Variants in DCAF12 observed in about 807,000 individuals in gnomAD.
The protein encoded by DCAF12 is DDB1 and CUL4 associated factor 12.
Under a neutral mutation model 52.8 loss-of-function variants are expected in DCAF12, and 28 were observed. That is an observed-to-expected ratio of 0.53 (90% CI 0.39 to 0.73). The LOEUF (loss-of-function observed/expected upper bound fraction) is 0.73. Ranked by LOEUF, DCAF12 falls within the 30% of genes least tolerant of loss-of-function variation. DCAF12 has a pLI of 0.00. For missense variants in DCAF12, 425 were observed against 552.2 expected (o/e 0.77, Z 2.31); for synonymous variants, 196 against 215.5 (o/e 0.91, Z 0.79).
intron 4 of DCAF12, among the ~76,000 whole-genome samples, chr9:34,101,083 T>TA (rs1172249378): frequency 6.7e-6 from 1 of 150,002 alleles, no homozygotes; most frequent in Non-Finnish European, 1.5e-5. Context: ...TTTTTTTTTT[T>TA]TTAAATGAGA....
intron 1 of DCAF12, chr9:34,125,529 G>C: frequency 1.7e-6 from 1 of 604,256 alleles, no homozygotes; most frequent in Non-Finnish European, 3.2e-6. Flanking sequence ...ATGCAGAATA[G>C]AACAGACTAA....
At position 34,088,270 on chromosome 9, in the gene DCAF12, A is replaced by G. The variant is rs966559706; in HGVS notation, c.*80T>C. 3 of 1,474,956 alleles carry G rather than the reference A, an allele frequency of 2.0e-6. No individual in the cohort carries two copies. The highest frequency in any genetic ancestry group is 5.0e-5 in the Admixed American group (2 of 40,098). 91.4% of individuals were successfully genotyped at this position (1,474,956 alleles called of 1,614,324 possible). A position where few individuals can be genotyped will look rare whatever the true frequency, so the allele number is the denominator to read the frequency against. On this transcript the variant is annotated 3_prime_UTR_variant, in exon 9 of 9. Transcript: ENST00000361264. Reference sequence around the variant, plus strand: ...CACTAAAACACAAGAGCCTCACACAATTAGGAAAAAAAAAATCAAAAGAAA... The same window carrying G: ...CACTAAAACACAAGAGCCTCACACAGTTAGGAAAAAAAAAATCAAAAGAAA...
intron 1 of DCAF12, chr9:34,125,563 G>A: frequency 1.9e-6 from 1 of 531,096 alleles, no homozygotes; most frequent in Non-Finnish European, 3.8e-6. Flanking sequence ...CATTTTAGGA[G>A]TGAAAGATTG....
At position 34,093,329 on chromosome 9, in the gene DCAF12, T is replaced by C; in HGVS notation, c.981A>G (p.Pro327=). 2 of 1,614,256 alleles carry C rather than the reference T, an allele frequency of 1.2e-6. No homozygotes were observed. The highest frequency in any genetic ancestry group is 1.7e-6 in the Non-Finnish European group (2 of 1,180,046). Residue 327 remains proline (P), a synonymous_variant, in exon 7 of 9, where the codon CCA becomes CCG. Transcript: ENST00000361264. The part of the protein sequence containing the change: ...AHVSFLDPRQ[P]SYNVKSVCSR... Reference sequence around the variant, plus strand: ...AACAGACAGACTTGACGTTGTATGATGGCTGCCGTGGATCCAAGAAGGAGA... The same window carrying C: ...AACAGACAGACTTGACGTTGTATGACGGCTGCCGTGGATCCAAGAAGGAGA...
intron 5 of DCAF12, among the ~76,000 whole-genome samples, chr9:34,097,490 T>C (rs1413587335): frequency 2.6e-5 from 4 of 151,950 alleles, no homozygotes; most frequent in Non-Finnish European, 5.9e-5. Flanking sequence ...ACTCCTGACC[T>C]TGTGATCTGC....
chr9:34,107,634 T>C, intron 2 of DCAF12, 69 bp from the exon 3 acceptor site: 1 of 1,356,530 alleles, frequency 7.4e-7, no homozygotes, highest in South Asian at 1.2e-5. Flanking sequence ...ATAAACATCC[T>C]TTTGTTCAAC....
intron 8 of DCAF12, 138 bp from the exon 9 acceptor site, chr9:34,088,646 TG>T (rs997022508): frequency 1.1e-5 from 10 of 936,138 alleles, no homozygotes; most frequent in African/African-American, 1.7e-5. Flanking sequence ...GGAGATTGGC[TG>T]GTTGGTTCTC....
chr9:34,094,625 G>A (rs1828704015), intron 6 of DCAF12, among the ~76,000 whole-genome samples: 1 of 151,158 alleles, frequency 6.6e-6, no homozygotes, highest in South Asian at 2.1e-4. Context: ...CCACCTCCTG[G>A]GTTCACACCA....
At chr9:34,108,646 C>G (rs1828943281) in intron 2 of DCAF12, among the ~76,000 whole-genome samples, 1 of 151,828 alleles carries the variant, frequency 6.6e-6, no homozygotes, top group Non-Finnish European at 1.5e-5. Flanking sequence ...ATTAGCTGGG[C>G]ATGGTGGCAC....
At chr9:34,117,950 T>C (rs1829112444) in intron 2 of DCAF12, among the ~76,000 whole-genome samples, 1 of 152,168 alleles carries the variant, frequency 6.6e-6, no homozygotes, top group Non-Finnish European at 1.5e-5. Context: ...ATTCTTGGAC[T>C]GTTAAATCAG....
chr9:34,126,029 C>T (rs1829244707), intron 1 of DCAF12, among the ~76,000 whole-genome samples: 1 of 152,066 alleles, frequency 6.6e-6, no homozygotes, highest in Non-Finnish European at 1.5e-5. Flanking sequence ...TTCACTCTAC[C>T]AGAGTTTGTT....
chr9:34,090,526 G>A (rs1368514835), intron 7 of DCAF12, among the ~76,000 whole-genome samples: 1 of 152,178 alleles, frequency 6.6e-6, no homozygotes, highest in East Asian at 1.9e-4. Flanking sequence ...ATATGAAGAT[G>A]TCTCTTGGCA....
At chr9:34,116,722 C>T (rs1829093237) in intron 2 of DCAF12, among the ~76,000 whole-genome samples, 1 of 152,082 alleles carries the variant, frequency 6.6e-6, no homozygotes, top group Non-Finnish European at 1.5e-5. Context: ...TGGCTCACGC[C>T]TGTAATCCTA....
intron 2 of DCAF12, among the ~76,000 whole-genome samples, chr9:34,121,185 G>A (rs751745260): frequency 2.4e-4 from 37 of 151,888 alleles, no homozygotes; most frequent in Non-Finnish European, 2.5e-4. Flanking sequence ...AAAAACCCAA[G>A]AACACTGACT....
intron 3 of DCAF12, among the ~76,000 whole-genome samples, chr9:34,107,041 T>A (rs1447198646): frequency 6.6e-6 from 1 of 152,174 alleles, no homozygotes; most frequent in African/African-American, 2.4e-5. Context: ...GGGCTTTATC[T>A]GTTCTGTTCA....
chr9:34,117,116 AG>A (rs1378049026), intron 2 of DCAF12, among the ~76,000 whole-genome samples: 3 of 152,226 alleles, frequency 2.0e-5, no homozygotes, highest in African/African-American at 4.8e-5. Context: ...ACTTCATAAT[AG>A]GTCTTGAATT....
chr9:34,109,877 C>G (rs938040084), intron 2 of DCAF12: 1 of 262,228 alleles, frequency 3.8e-6, no homozygotes, highest in Non-Finnish European at 8.0e-6. Flanking sequence ...CAAAAGGTCT[C>G]GTCTGTGTTT....
intron 8 of DCAF12, among the ~76,000 whole-genome samples, chr9:34,089,110 C>CA (rs771038838): frequency 0.048 from 4,454 of 92,326 alleles, 246 homozygotes; most frequent in African/African-American, 0.14. Context: ...GACCCTGTCT[C>CA]AAAAAAAAAA....
At chr9:34,103,418 G>GA (rs1828860304) in intron 4 of DCAF12, among the ~76,000 whole-genome samples, 1 of 144,420 alleles carries the variant, frequency 6.9e-6, no homozygotes, top group African/African-American at 2.5e-5. Flanking sequence ...AAAAAAAAAA[G>GA]AAACAAAAAT....
Sources: allele counts gnomAD v4.1 joint callset (sites outside exome capture counted in the v4.1 genomes callset), GRCh38; gene constraint gnomAD v4.1.1; transcripts MANE v1.5; gene names NCBI Gene and HGNC (gene_info 2026-07-23, HGNC 2026-07-21).